Variants in SORCS1 observed in about 807,000 individuals in gnomAD.
The protein encoded by SORCS1 is sortilin related VPS10 domain containing receptor 1.
A neutral mutation model predicts 146.1 loss-of-function variants in SORCS1; 60 were observed. The observed-to-expected ratio is 0.41, with a 90% confidence interval of 0.33 to 0.51. The LOEUF (loss-of-function observed/expected upper bound fraction) is 0.51. Ranked by LOEUF, SORCS1 falls within the 20% of genes least tolerant of loss-of-function variation. The pLI is 0.21. For missense variants in SORCS1, 1,352 were observed against 1,487.6 expected (o/e 0.91, Z 1.50); for synonymous variants, 637 against 584.0 (o/e 1.09, Z -1.31).
Position 106,986,730 on chromosome 10 carries a change from C to A in SORCS1, c.559-30150G>T, listed in dbSNP as rs898899877. ...TTCTATTCGTCTACAAGTTTAATGA[C>A]CTTTCCTTACACAGTCTCCACTCTG... On this transcript the variant is annotated intron_variant, in intron 1 of 25. Transcript: ENST00000263054. Among the ~76,000 whole-genome samples the A allele has an allele frequency of 5.3e-5, 8 of 152,076 alleles. No homozygotes were observed. In the East Asian group the frequency reaches 1.5e-3, roughly 29 times the overall value.
At chr10:106,753,756 A>C (rs1301780313) in intron 5 of SORCS1, among the ~76,000 whole-genome samples, 1 of 152,040 alleles carries the variant, frequency 6.6e-6, no homozygotes, top group Non-Finnish European at 1.5e-5. Flanking sequence ...CTGCCAGTGT[A>C]GGAGTTTTAC....
intron 1 of SORCS1, among the ~76,000 whole-genome samples, chr10:107,076,821 C>T (rs7919884): frequency 0.19 from 28,557 of 151,968 alleles, 2,914 homozygotes; most frequent in African/African-American, 0.24. Context: ...ACTATATCCC[C>T]GAAGCCACAT....
At chr10:106,888,342 C>T (rs756589987) in intron 2 of SORCS1, among the ~76,000 whole-genome samples, 2 of 152,086 alleles carry the variant, frequency 1.3e-5, no homozygotes, top group Non-Finnish European at 2.9e-5. Flanking sequence ...GGTGCCTGTA[C>T]ATTAAGGAGG....
At chr10:106,818,235 T>G (rs1322543109) in intron 3 of SORCS1, among the ~76,000 whole-genome samples, 3 of 152,208 alleles carry the variant, frequency 2.0e-5, no homozygotes, top group South Asian at 2.1e-4. Context: ...GAATTTTAGT[T>G]GTATTAATTC....
chr10:106,652,522 C>G lies in SORCS1; in HGVS notation c.2335G>C (p.Asp779His), dbSNP rs538066629. ...GCAGTGTACTGTTCCCTTACGCCAT[C>G]AGTGCAATTATTGGAAACCACCTTC... ...YRKVVSNNCT[D>H]GVREQYTAKP... is the part of the protein sequence containing the mutation. The change falls in exon 18 of 26, where the codon GAT (aspartate) becomes CAT (histidine). Residue 779 changes from aspartate to histidine, a missense_variant. Asp to His is a moderately conservative substitution (Grantham distance 81, BLOSUM62 -1). This residue lies in a region of SORCS1 where 648 missense variants were observed against 793.8 expected (regional missense o/e 0.82). Transcript: ENST00000263054. 1 of 1,613,942 alleles carries G rather than the reference C, an allele frequency of 6.2e-7. No homozygotes were observed. Among genetic ancestry groups the G allele is most frequent in the Non-Finnish European group, 8.5e-7 (1 of 1,179,872 alleles).
In SORCS1 at chr10:106,679,657, T is replaced by A; in HGVS notation, c.1638A>T (p.Thr546=). ...YTSGIIASKD[T]APSIIVASGN... ...CTGATGCCACTATGATGCTTGGAGCTGTGTCTTTGCTGGCAATGATCCCTG... is the reference window on the plus strand; with the variant it reads ...CTGATGCCACTATGATGCTTGGAGCAGTGTCTTTGCTGGCAATGATCCCTG... The change falls in exon 11 of 26, where the codon ACA becomes ACT. Residue 546 remains threonine, a synonymous_variant. Transcript: ENST00000263054. 1 of 1,612,468 alleles carries A rather than the reference T, an allele frequency of 6.2e-7. No homozygotes were observed. The highest frequency in any genetic ancestry group is 8.5e-7 in the Non-Finnish European group (1 of 1,179,156).
chr10:106,703,894 C>G (rs1854315832), intron 8 of SORCS1, among the ~76,000 whole-genome samples: 1 of 152,208 alleles, frequency 6.6e-6, no homozygotes, highest in African/African-American at 2.4e-5. Flanking sequence ...GTACTAGCCC[C>G]TATTTTTTCT....
At chr10:106,963,086 A>G (rs1437616396) in intron 1 of SORCS1, among the ~76,000 whole-genome samples, 1 of 145,682 alleles carries the variant, frequency 6.9e-6, no homozygotes, top group Non-Finnish European at 1.5e-5. Flanking sequence ...GGATAAAATA[A>G]GAGAGCAGTG....
intron 1 of SORCS1, among the ~76,000 whole-genome samples, chr10:107,009,030 ACTCT>A (rs1957577349): frequency 6.6e-6 from 1 of 152,026 alleles, no homozygotes; most frequent in Non-Finnish European, 1.5e-5. Context: ...GGTTATTATA[ACTCT>A]CTATTTTGTT....
intron 6 of SORCS1, 140 bp downstream of exon 6, chr10:106,729,910 C>T: frequency 1.0e-6 from 1 of 960,966 alleles, no homozygotes; most frequent in Non-Finnish European, 1.6e-6. Flanking sequence ...AGCAGGTCAC[C>T]CCTGCAACCC....
intron 1 of SORCS1, among the ~76,000 whole-genome samples, chr10:106,984,187 A>G (rs74152291): frequency 0.024 from 3,729 of 152,244 alleles, 187 homozygotes; most frequent in African/African-American, 0.085. Context: ...GTATTATCTC[A>G]ATAATCAGAA....
At chr10:106,584,210 G>T (rs1481850019) in intron 24 of SORCS1, among the ~76,000 whole-genome samples, 1 of 152,182 alleles carries the variant, frequency 6.6e-6, no homozygotes, top group African/African-American at 2.4e-5. Context: ...TGCAGAATAG[G>T]CAGAAAGGCT....
At chr10:106,664,535 G>A (rs865948165) in intron 17 of SORCS1, among the ~76,000 whole-genome samples, 7 of 152,070 alleles carry the variant, frequency 4.6e-5, no homozygotes, top group East Asian at 1.9e-4. Flanking sequence ...CCAGCTACTC[G>A]GGAAGCTGAG....
chr10:106,739,530 C>T (rs10466143), intron 5 of SORCS1, among the ~76,000 whole-genome samples: 117,413 of 150,338 alleles, frequency 0.78, 46,714 homozygotes, highest in Non-Finnish European at 0.87. Flanking sequence ...TAAACCAGGC[C>T]GGGCGTGGTG....
At chr10:107,012,545 C>T (rs1957736507) in intron 1 of SORCS1, among the ~76,000 whole-genome samples, 1 of 152,154 alleles carries the variant, frequency 6.6e-6, no homozygotes, top group Admixed American at 6.5e-5. Context: ...TCATCATCCT[C>T]ATTTTACAGG....
At chr10:106,695,214 C>T (rs2135708211) in intron 9 of SORCS1, among the ~76,000 whole-genome samples, 1 of 152,294 alleles carries the variant, frequency 6.6e-6, no homozygotes, top group East Asian at 1.9e-4. Context: ...TAAATATAGC[C>T]TGAACTTAGC....
At chr10:106,839,546 G>A (rs1037326878) in intron 2 of SORCS1, among the ~76,000 whole-genome samples, 5 of 152,218 alleles carry the variant, frequency 3.3e-5, no homozygotes, top group African/African-American at 1.2e-4. Flanking sequence ...GAAGCAGCAA[G>A]TGCTGATACA....
intron 2 of SORCS1, among the ~76,000 whole-genome samples, chr10:106,918,990 C>A (rs893738011): frequency 1.3e-5 from 2 of 152,124 alleles, no homozygotes; most frequent in African/African-American, 2.4e-5. Context: ...GTGTGCACCA[C>A]CACACCCAGC....
At chr10:106,700,218 A>G (rs1332482900) in intron 8 of SORCS1, among the ~76,000 whole-genome samples, 1 of 152,198 alleles carries the variant, frequency 6.6e-6, no homozygotes, top group East Asian at 1.9e-4. Context: ...GGCAGTAACA[A>G]GTGCCCCTGG....
Sources: allele counts gnomAD v4.1 joint callset (sites outside exome capture counted in the v4.1 genomes callset), GRCh38; gene constraint gnomAD v4.1.1; regional missense constraint gnomAD v4.1.1; transcripts MANE v1.5; gene names NCBI Gene and HGNC (gene_info 2026-07-23, HGNC 2026-07-21).